Variants in ACOT7 observed in about 807,000 individuals in gnomAD.
ACOT7 encodes the protein cytosolic acyl coenzyme A thioester hydrolase.
Under a neutral mutation model 40.2 loss-of-function variants are expected in ACOT7, and 12 were observed. The observed-to-expected ratio is 0.30, with a 90% CI of 0.19 to 0.48. The LOEUF is 0.48. Among genes scored for constraint, ACOT7 ranks in the 20% least tolerant of loss-of-function variants. The pLI, the probability that ACOT7 is intolerant of heterozygous loss-of-function variation, is 0.99. For missense variants in ACOT7, 395 were observed against 530.8 expected (o/e 0.74, Z 2.51); for synonymous variants, 228 against 219.5 (o/e 1.04, Z -0.34).
chr1:6,335,701 G>C lies in ACOT7; in HGVS notation c.419-2133C>G, dbSNP rs1011930214. Reference sequence around the variant, plus strand: ...TCCTCCTCAATAAACACAGCCCCAGGCTCCAAATCAAGCCCCAGGGGGCCC... The same window carrying C: ...TCCTCCTCAATAAACACAGCCCCAGCCTCCAAATCAAGCCCCAGGGGGCCC... On this transcript the variant is annotated intron_variant, in intron 3 of 8. Coordinates refer to ENST00000361521, the MANE Select transcript of ACOT7 (RefSeq NM_007274.4). 2.0e-5 allele frequency among the ~76,000 whole-genome samples: 3 copies of C among 152,132 alleles called. No individual in the cohort carries two copies. The South Asian group carries it at 6.2e-4, about 32-fold the overall frequency.
At chr1:6,290,232 T>TA (rs2148390109) in intron 7 of ACOT7, among the ~76,000 whole-genome samples, 1 of 152,334 alleles carries the variant, frequency 6.6e-6, no homozygotes, top group Non-Finnish European at 1.5e-5. Context: ...AGACCTGCCT[T>TA]AGACTTCTGA....
chr1:6,322,705 C>T (rs1205750721), intron 5 of ACOT7, among the ~76,000 whole-genome samples: 1 of 152,232 alleles, frequency 6.6e-6, no homozygotes, highest in Admixed American at 6.5e-5. Flanking sequence ...CTCATTTTAA[C>T]TTAATTACCT....
chr1:6,375,796 G>A lies in ACOT7; in HGVS notation c.143+17461C>T, dbSNP rs925056288. On this transcript the variant is annotated intron_variant, in intron 1 of 8. Transcript: ENST00000361521. ...CTAAAAATACAAAAAAAATTAGCCG[G>A]GCGTGGTGGCGGGCACCTGTAGTCC... Among the ~76,000 whole-genome samples the A allele has an allele frequency of 2.6e-5, 4 of 152,080 alleles. No homozygotes were observed. In the East Asian group the frequency reaches 7.7e-4, roughly 29 times the overall value.
chr1:6,328,421 G>A (rs2148432036), intron 4 of ACOT7, among the ~76,000 whole-genome samples: 1 of 152,242 alleles, frequency 6.6e-6, no homozygotes, highest in East Asian at 1.9e-4. Flanking sequence ...AGCAATTTGG[G>A]AGGCTGAGGC....
chr1:6,283,098 G>A (rs1557630783), intron 7 of ACOT7, among the ~76,000 whole-genome samples: 1 of 152,086 alleles, frequency 6.6e-6, no homozygotes. Context: ...CATGAGCGTG[G>A]TGCCTGGAGG....
At chr1:6,336,797 G>A (rs1347255546) in intron 3 of ACOT7, among the ~76,000 whole-genome samples, 1 of 152,230 alleles carries the variant, frequency 6.6e-6, no homozygotes, top group African/African-American at 2.4e-5. Context: ...CACATGGGCA[G>A]AGACAGAGAA....
intron 1 of ACOT7, among the ~76,000 whole-genome samples, chr1:6,362,027 A>G (rs1641903392): frequency 6.6e-6 from 1 of 152,368 alleles, no homozygotes; most frequent in Admixed American, 6.5e-5. Context: ...GAACTGGCTC[A>G]GTAGGCTGTG....
chr1:6,287,887 C>A (rs185726313), intron 7 of ACOT7, among the ~76,000 whole-genome samples: 1 of 152,222 alleles, frequency 6.6e-6, no homozygotes, highest in East Asian at 1.9e-4. Context: ...GTATTTCTTA[C>A]ATAACACACC....
At chr1:6,313,140 G>C (rs1008479052) in intron 6 of ACOT7, among the ~76,000 whole-genome samples, 1 of 152,238 alleles carries the variant, frequency 6.6e-6, no homozygotes. Context: ...CTGCTAAGCT[G>C]GTGGTGTCTG....
At chr1:6,364,913 C>T (rs1641968947) in intron 1 of ACOT7, among the ~76,000 whole-genome samples, 1 of 148,156 alleles carries the variant, frequency 6.7e-6, no homozygotes, top group Admixed American at 6.7e-5. Context: ...ATCCCAGGTA[C>T]TCAGGAGGCT....
At chr1:6,295,298 G>A (rs7554077) in intron 6 of ACOT7, 31,515 of 223,778 alleles carry the variant, frequency 0.14, 3,557 homozygotes, top group African/African-American at 0.35. Context: ...CTGCAATCCT[G>A]AAGTCACAGA....
chr1:6,309,481 A>G (rs1171585624), intron 6 of ACOT7, among the ~76,000 whole-genome samples: 1 of 152,008 alleles, frequency 6.6e-6, no homozygotes, highest in Non-Finnish European at 1.5e-5. Flanking sequence ...TCCAGTTCCA[A>G]CACTTAGGTA....
chr1:6,287,902 G>C (rs2148387376), intron 7 of ACOT7, among the ~76,000 whole-genome samples: 1 of 152,254 alleles, frequency 6.6e-6, no homozygotes, highest in Admixed American at 6.5e-5. Flanking sequence ...CACACCCCAA[G>C]GCCTTTTCTA....
intron 3 of ACOT7, among the ~76,000 whole-genome samples, chr1:6,337,447 C>T (rs1156804782): frequency 5.3e-5 from 8 of 152,224 alleles, no homozygotes; most frequent in African/African-American, 1.9e-4. Flanking sequence ...TCTTCCTGGT[C>T]GCCTCTGCTC....
intron 6 of ACOT7, among the ~76,000 whole-genome samples, chr1:6,298,352 C>A (rs1410651885): frequency 6.6e-6 from 1 of 152,158 alleles, no homozygotes; most frequent in Non-Finnish European, 1.5e-5. Flanking sequence ...CCAGGCTGGT[C>A]TCAAACTCCT....
At chr1:6,390,383 C>A (rs1013020437) in intron 1 of ACOT7, among the ~76,000 whole-genome samples, 2 of 151,716 alleles carry the variant, frequency 1.3e-5, no homozygotes, top group African/African-American at 4.8e-5. Context: ...ACTAGCCTGG[C>A]CAACATGGTG....
At position 6,318,371 on chromosome 1, in the gene ACOT7, TGGAA is replaced by T. The variant is rs1640553442; in HGVS notation, c.712+117_712+120del. On this transcript the variant is annotated intron_variant, in intron 6 of 8. Coordinates refer to ENST00000361521, the MANE Select transcript of ACOT7 (RefSeq NM_007274.4). ...GCACCTGGCCTATTGTACAACTTCT[TGGAA>T]GTTTGTACTTCACCAAACACAAGAG... The T allele has an allele frequency of 8.0e-6, 9 of 1,118,850 alleles. No individual in the cohort carries two copies. In the Admixed American group the frequency reaches 1.9e-4, roughly 23 times the overall value. The allele number at this position is 1,118,850 out of a possible 1,614,324, so 69.3% of individuals were successfully genotyped here. A position where few individuals can be genotyped will look rare whatever the true frequency, so the allele number is the denominator to read the frequency against.
intron 1 of ACOT7, among the ~76,000 whole-genome samples, chr1:6,356,318 G>A (rs6688127): frequency 0.039 from 5,957 of 152,178 alleles, 324 homozygotes; most frequent in African/African-American, 0.12. Context: ...GGCCATGCCC[G>A]GAGGTCTCTG....
At chr1:6,329,234 C>A (rs1412462941) in intron 4 of ACOT7, among the ~76,000 whole-genome samples, 2 of 152,250 alleles carry the variant, frequency 1.3e-5, no homozygotes, top group Non-Finnish European at 2.9e-5. Context: ...CTCGGCGTAA[C>A]TACCCATCAT....
Sources: allele counts gnomAD v4.1 joint callset (sites outside exome capture counted in the v4.1 genomes callset), GRCh38; gene constraint gnomAD v4.1.1; transcripts MANE v1.5; gene names NCBI Gene and HGNC (gene_info 2026-07-23, HGNC 2026-07-21).